ITGA8: variants seen among roughly 807,000 people sequenced by gnomAD.
ITGA8 encodes the protein integrin subunit alpha 8, also known as integrin alpha-8.
In ITGA8, 91 loss-of-function variants were observed where a neutral mutation model predicts 142.3. That is an observed-to-expected ratio of 0.64 (90% CI 0.54 to 0.76). ITGA8 has a LOEUF of 0.76. ITGA8 is among the 30% of genes least tolerant of loss of function. The pLI is 0.00. For synonymous variants in ITGA8, 505 were observed against 485.2 expected (o/e 1.04, Z -0.54); for missense variants, 1,406 against 1,327.7 (o/e 1.06, Z -0.92).
intron 13 of ITGA8, among the ~76,000 whole-genome samples, chr10:15,632,898 G>A (rs1053368827): frequency 6.6e-6 from 1 of 152,080 alleles, no homozygotes; most frequent in African/African-American, 2.4e-5. Context: ...AGTCACTGCT[G>A]GTCCTCATTC....
rs137905093 is a variant in ITGA8 at position 15,703,246 on chromosome 10, T to C, written c.344-15208A>G. ...GATCCGGATGAGAATATAAATTTTC[T>C]GCTGTAATTATTTTCATGTCTAGAC... is the stretch of plus-strand genomic sequence containing the variant. On this transcript the variant is annotated intron_variant, in intron 2 of 29. Coordinates refer to ENST00000378076, the MANE Select transcript of ITGA8 (RefSeq NM_003638.3). 7.1e-3 allele frequency among the ~76,000 whole-genome samples: 1,084 copies of C among 152,328 alleles called. 12 individuals are homozygous for C. The highest frequency in any genetic ancestry group is 0.024 in the African/African-American group (1,018 of 41,576).
chr10:15,619,913 C>A (rs1833458215), intron 13 of ITGA8, among the ~76,000 whole-genome samples: 1 of 152,042 alleles, frequency 6.6e-6, no homozygotes, highest in Non-Finnish European at 1.5e-5. Context: ...GTTCTTGGCC[C>A]CAAATAAGGT....
intron 10 of ITGA8, among the ~76,000 whole-genome samples, chr10:15,658,773 A>G (rs1033296497): frequency 6.6e-6 from 1 of 152,186 alleles, no homozygotes; most frequent in Non-Finnish European, 1.5e-5. Context: ...TTGCTTGTTA[A>G]TAAACTGTCC....
intron 10 of ITGA8, among the ~76,000 whole-genome samples, chr10:15,657,208 G>C (rs1834201062): frequency 6.6e-6 from 1 of 152,156 alleles, no homozygotes; most frequent in Non-Finnish European, 1.5e-5. Flanking sequence ...ATTTAGCAAT[G>C]TTTAAAAAGT....
intron 13 of ITGA8, among the ~76,000 whole-genome samples, chr10:15,620,699 T>C (rs889307067): frequency 1.7e-4 from 26 of 152,198 alleles, no homozygotes; most frequent in Non-Finnish European, 7.3e-5. Context: ...GGAGGAGAAC[T>C]GATTTGCTGG....
At chr10:15,698,581 A>T (rs895451755) in intron 2 of ITGA8, among the ~76,000 whole-genome samples, 43 of 152,236 alleles carry the variant, frequency 2.8e-4, no homozygotes, top group African/African-American at 7.9e-4. Context: ...CTATTTTTTT[A>T]AAATTTTTTA....
chr10:15,684,020 G>C lies in ITGA8; in HGVS notation c.552C>G (p.Phe184Leu), dbSNP rs963638756. The C allele has an allele frequency of 1.2e-6, 2 of 1,614,168 alleles. No homozygotes were observed. The highest frequency in any genetic ancestry group is 1.7e-6 in the Non-Finnish European group (2 of 1,180,020). The change falls in exon 4 of 30, where the codon TTC (phenylalanine) becomes TTG (leucine). Residue 184 changes from phenylalanine to leucine, a missense_variant. By Grantham distance (22) the Phe-to-Leu change is conservative. Coordinates refer to ENST00000378076, the MANE Select transcript of ITGA8 (RefSeq NM_003638.3). Reference protein sequence around the residue: ...AIQNFSAYAEFSPCRNSNADP... With the variant: ...AIQNFSAYAELSPCRNSNADP... ...GTTGCTTACTGTTCCGGCAAGGAGA[G>C]AACTCGGCATAGGCGCTGAAGTTCT... is the stretch of plus-strand genomic sequence containing the variant.
At chr10:15,688,974 A>T (rs2131709185) in intron 2 of ITGA8, among the ~76,000 whole-genome samples, 1 of 152,314 alleles carries the variant, frequency 6.6e-6, no homozygotes, top group South Asian at 2.1e-4. Context: ...TCAACATAGA[A>T]CTTTTAAGTC....
In ITGA8 at chr10:15,641,085, G is replaced by A. The variant is rs191210090; in HGVS notation, c.1399+2945C>T. Among the ~76,000 whole-genome samples, 335 of 152,154 alleles carry A rather than the reference G, an allele frequency of 2.2e-3. 2 individuals carry two copies. The highest frequency in any genetic ancestry group is 7.7e-3 in the African/African-American group (319 of 41,504). ...AGTCTTTTTTCTGAGATGGAGTCTC[G>A]CCCTGTTGCCCAGGCTGGAGTGCAG... On this transcript the variant is annotated intron_variant, in intron 13 of 29. Transcript: ENST00000378076.
At chr10:15,626,309 C>T (rs563139056) in intron 13 of ITGA8, among the ~76,000 whole-genome samples, 42 of 152,286 alleles carry the variant, frequency 2.8e-4, no homozygotes, top group African/African-American at 9.9e-4. Flanking sequence ...GCAACCTCTC[C>T]TCCCGGGTTC....
At chr10:15,687,184 G>A (rs1834847111) in intron 3 of ITGA8, among the ~76,000 whole-genome samples, 1 of 152,064 alleles carries the variant, frequency 6.6e-6, no homozygotes, top group South Asian at 2.1e-4. Flanking sequence ...ATAAAGTAAG[G>A]CATTTCCTTT....
At chr10:15,629,007 G>C (rs543506712) in intron 13 of ITGA8, among the ~76,000 whole-genome samples, 12 of 151,868 alleles carry the variant, frequency 7.9e-5, no homozygotes, top group Non-Finnish European at 1.6e-4. Context: ...CTGCAAGTGC[G>C]GCCCAGGCTG....
intron 8 of ITGA8, among the ~76,000 whole-genome samples, chr10:15,669,843 C>T (rs1487134640): frequency 1.3e-5 from 2 of 152,136 alleles, no homozygotes; most frequent in Non-Finnish European, 2.9e-5. Flanking sequence ...TGGTGAACCG[C>T]AGATGCTGCT....
At chr10:15,523,375 T>A (rs1833104856) in intron 28 of ITGA8, among the ~76,000 whole-genome samples, 1 of 152,222 alleles carries the variant, frequency 6.6e-6, no homozygotes, top group African/African-American at 2.4e-5. Flanking sequence ...GATGAGGATA[T>A]GATTCTTAGG....
intron 2 of ITGA8, among the ~76,000 whole-genome samples, chr10:15,693,137 A>C (rs918257053): frequency 5.9e-5 from 9 of 152,232 alleles, no homozygotes. Flanking sequence ...TGCACATTCA[A>C]CTATTTCACA....
At chr10:15,591,673 A>G (rs1436760725) in intron 22 of ITGA8, among the ~76,000 whole-genome samples, 1 of 152,182 alleles carries the variant, frequency 6.6e-6, no homozygotes, top group Non-Finnish European at 1.5e-5. Flanking sequence ...CTCAAACAGC[A>G]TCAGCCTTAG....
At chr10:15,611,623 C>G (rs564797796) in intron 15 of ITGA8, 1 of 151,828 alleles carries the variant, frequency 6.6e-6, no homozygotes, top group Non-Finnish European at 1.5e-5. Flanking sequence ...TCCTGAGTAG[C>G]TGGGACTACA....
chr10:15,703,676 C>T (rs899850635), intron 2 of ITGA8, among the ~76,000 whole-genome samples: 5 of 152,172 alleles, frequency 3.3e-5, no homozygotes, highest in African/African-American at 9.7e-5. Context: ...TTGACCTCAT[C>T]TTCTGCAACT....
At chr10:15,596,174 T>A (rs1213723594) in intron 21 of ITGA8, among the ~76,000 whole-genome samples, 1 of 152,232 alleles carries the variant, frequency 6.6e-6, no homozygotes, top group Non-Finnish European at 1.5e-5. Context: ...AACATCCCAT[T>A]CTCTCTTTCA....
Sources: allele counts gnomAD v4.1 joint callset (sites outside exome capture counted in the v4.1 genomes callset), GRCh38; gene constraint gnomAD v4.1.1; transcripts MANE v1.5; gene names NCBI Gene and HGNC (gene_info 2026-07-23, HGNC 2026-07-21).